Variants in KLRG1 observed in about 807,000 individuals in gnomAD.
KLRG1 encodes killer cell lectin like receptor G1.
KLRG1 carries 16 observed loss-of-function variants against 21.8 expected under a neutral mutation model. The observed-to-expected ratio is 0.73, with a 90% CI of 0.50 to 1.11. The LOEUF is 1.11. Ranked by LOEUF, KLRG1 falls within the 50% of genes most tolerant of loss-of-function variation. The pLI is 0.00. For missense variants in KLRG1, 173 were observed against 218.3 expected (o/e 0.79, Z 1.31); for synonymous variants, 69 against 75.9 (o/e 0.91, Z 0.47).
the KLRG1 span, chr12:9,080,191 C>A: frequency 6.6e-7 from 1 of 1,515,640 alleles, no homozygotes; most frequent in Non-Finnish European, 9.0e-7. Flanking sequence ...GAGAAATAAG[C>A]AAATCAGACA....
the KLRG1 span, among the ~76,000 whole-genome samples, chr12:9,026,225 G>A: frequency 1.3e-5 from 2 of 152,128 alleles, no homozygotes; most frequent in African/African-American, 4.8e-5. Context: ...AAATAATAGG[G>A]TCCCTGAAGT....
intron 1 of KLRG1, among the ~76,000 whole-genome samples, chr12:8,982,212 A>G (rs1241888691): frequency 6.6e-6 from 1 of 152,222 alleles, no homozygotes; most frequent in South Asian, 2.1e-4. Flanking sequence ...GAGAGTCCTT[A>G]TAAGAGGGAA....
chr12:9,089,746 C>T, the KLRG1 span, among the ~76,000 whole-genome samples: 1 of 151,664 alleles, frequency 6.6e-6, no homozygotes, highest in Admixed American at 6.6e-5. Flanking sequence ...GCCTCAAAAA[C>T]AAAAACAAAA....
chr12:9,130,046 T>TC, the KLRG1 span, among the ~76,000 whole-genome samples: 1 of 152,218 alleles, frequency 6.6e-6, no homozygotes, highest in Non-Finnish European at 1.5e-5. Flanking sequence ...CTTGGATACT[T>TC]CATATAGGTG....
the KLRG1 span, among the ~76,000 whole-genome samples, chr12:9,158,870 G>C: frequency 6.8e-6 from 1 of 146,034 alleles, no homozygotes; most frequent in Non-Finnish European, 1.5e-5. Context: ...CAGTTTTCTT[G>C]GTTGGTTAAC....
At position 9,010,079 on chromosome 12, in the gene KLRG1, G is replaced by A. The variant is rs1324414683; in HGVS notation, c.*542G>A. 1 of 1,446,032 alleles carries A rather than the reference G, an allele frequency of 6.9e-7. No individual in the cohort carries two copies. The highest frequency in any genetic ancestry group is 9.4e-7 in the Non-Finnish European group (1 of 1,067,824). 89.6% of individuals were successfully genotyped at this position (1,446,032 alleles called of 1,614,324 possible). On this transcript the variant is annotated 3_prime_UTR_variant, in exon 5 of 5. Coordinates refer to ENST00000356986, the MANE Select transcript of KLRG1 (RefSeq NM_005810.4). ...TGTGTACCTGTAGTCCTAGCTATTT[G>A]GGAAGCTGAGGTGGGAGGGTCGCTT...
the KLRG1 span, chr12:9,080,233 A>C: frequency 3.2e-6 from 4 of 1,234,228 alleles, no homozygotes; most frequent in Non-Finnish European, 4.6e-6. Flanking sequence ...ATATCTTTCT[A>C]AACAGCTCTA....
chr12:9,118,675 C>G, the KLRG1 span, among the ~76,000 whole-genome samples: 1 of 152,340 alleles, frequency 6.6e-6, no homozygotes, highest in South Asian at 2.1e-4. Context: ...TCTCAATCAT[C>G]TGTATCCTTT....
the KLRG1 span, among the ~76,000 whole-genome samples, chr12:9,120,108 T>G: frequency 3.3e-5 from 5 of 152,210 alleles, no homozygotes; most frequent in Non-Finnish European, 7.3e-5. Flanking sequence ...TGATCCTTAC[T>G]ATACCAGTGT....
At chr12:9,173,380 T>C in the KLRG1 span, among the ~76,000 whole-genome samples, 3 of 152,036 alleles carry the variant, frequency 2.0e-5, no homozygotes, top group African/African-American at 7.2e-5. Context: ...TAGAAAGATA[T>C]CAAATCAACA....
chr12:9,103,702 C>T, the KLRG1 span, among the ~76,000 whole-genome samples: 1 of 152,194 alleles, frequency 6.6e-6, no homozygotes, highest in Non-Finnish European at 1.5e-5. Context: ...CTTACCATAA[C>T]GTCCTCAAGG....
At chr12:9,131,740 G>C in the KLRG1 span, among the ~76,000 whole-genome samples, 1 of 151,394 alleles carries the variant, frequency 6.6e-6, no homozygotes, top group African/African-American at 2.4e-5. Context: ...TTTTATGTAT[G>C]CTTATATAAA....
the KLRG1 span, among the ~76,000 whole-genome samples, chr12:9,172,278 A>T: frequency 1.4e-4 from 22 of 152,222 alleles, no homozygotes; most frequent in Non-Finnish European, 2.9e-4. Flanking sequence ...GATTCTTTTC[A>T]AACAAGTGAA....
At chr12:8,956,849 C>T (rs746745545) in intron 1 of KLRG1, among the ~76,000 whole-genome samples, 1 of 152,206 alleles carries the variant, frequency 6.6e-6, no homozygotes, top group Non-Finnish European at 1.5e-5. Flanking sequence ...TTGCAGTATA[C>T]CTGATCCAGC....
chr12:9,032,792 C>A, the KLRG1 span, among the ~76,000 whole-genome samples: 1 of 152,130 alleles, frequency 6.6e-6, no homozygotes, highest in Non-Finnish European at 1.5e-5. Context: ...GCCAGACCTG[C>A]AACTCATGAG....
At chr12:9,054,352 A>T in the KLRG1 span, among the ~76,000 whole-genome samples, 2 of 152,200 alleles carry the variant, frequency 1.3e-5, no homozygotes, top group Non-Finnish European at 2.9e-5. Flanking sequence ...AATTTTTATT[A>T]CCAAGGTTAT....
At chr12:9,055,723 T>C in the KLRG1 span, 1 of 152,606 alleles carries the variant, frequency 6.6e-6, no homozygotes, top group Non-Finnish European at 1.5e-5. Flanking sequence ...GCCTCAAACA[T>C]TTTCTTGCTC....
chr12:9,127,850 G>T, the KLRG1 span: 2 of 246,426 alleles, frequency 8.1e-6, no homozygotes, highest in South Asian at 9.1e-5. Context: ...GAAGATCTGC[G>T]ACTGGGCCCC....
At chr12:9,087,874 C>A in the KLRG1 span, among the ~76,000 whole-genome samples, 1 of 150,286 alleles carries the variant, frequency 6.7e-6, no homozygotes, top group African/African-American at 2.5e-5. Flanking sequence ...TTTGGATCTA[C>A]CCTAGCTGTA....
Sources: gnomAD v4.1 joint callset for allele counts (sites outside exome capture counted in the v4.1 genomes callset) on GRCh38, gnomAD v4.1.1 for gene constraint, MANE v1.5 for transcripts, NCBI Gene and HGNC (gene_info 2026-07-23, HGNC 2026-07-21) for gene names.